Variants in ATP11B observed in about 807,000 individuals in gnomAD.
ATP11B encodes the protein phospholipid-transporting ATPase IF.
Under a neutral mutation model 157.8 loss-of-function variants are expected in ATP11B, and 81 were observed. That is an observed-to-expected ratio of 0.51 (90% CI 0.43 to 0.62). The LOEUF is 0.62. Ranked by LOEUF, ATP11B falls within the 20% of genes least tolerant of loss-of-function variation. The probability of loss-of-function intolerance (pLI) is 0.00; values close to 1 mark genes in which losing one functional copy is unlikely to be tolerated. For synonymous variants in ATP11B, 451 were observed against 469.4 expected, an observed-to-expected ratio of 0.96 and a Z score of 0.51; for missense variants, 1,165 against 1,402.2, an observed-to-expected ratio of 0.83 and a Z score of 2.70.
intron 19 of ATP11B, 62 bp downstream of exon 19, chr3:182,874,077 C>A: frequency 6.9e-7 from 1 of 1,450,940 alleles, no homozygotes; most frequent in Non-Finnish European, 9.5e-7. Context: ...TTCCCTGGGC[C>A]CGATGATATA....
At chr3:182,826,666 A>G (rs1418504095) in intron 2 of ATP11B, among the ~76,000 whole-genome samples, 4 of 152,230 alleles carry the variant, frequency 2.6e-5, no homozygotes, top group Non-Finnish European at 5.9e-5. Context: ...AATATGTTTC[A>G]CATATTCCAG....
chr3:182,829,434 C>T (rs545048517), intron 3 of ATP11B, among the ~76,000 whole-genome samples: 8 of 152,144 alleles, frequency 5.3e-5, no homozygotes, highest in African/African-American at 1.7e-4. Context: ...AGTTCCACTC[C>T]TTGGCGAATA....
At chr3:182,836,514 G>A (rs1164536125) in intron 6 of ATP11B, 44 bp downstream of exon 6, 2 of 1,611,248 alleles carry the variant, frequency 1.2e-6, no homozygotes, top group Admixed American at 1.7e-5. Context: ...TGAACAAAGT[G>A]TCTTTGGATT....
chr3:182,866,843 TAATA>T lies in ATP11B; in HGVS notation c.1619+407_1619+410del, dbSNP rs542451161. ...TATACATTTTATAAAAATATGTAAGTAATAAATAAAAATTATTATATATAACATA... is the reference window on the plus strand; with the variant it reads ...TATACATTTTATAAAAATATGTAAGTAATAAAAATTATTATATATAACATA... On this transcript the variant is annotated intron_variant, in intron 14 of 29. Transcript: ENST00000323116. Among the ~76,000 whole-genome samples the T allele has an allele frequency of 1.9e-4, 19 of 100,448 alleles. 1 individual carries two copies. The highest frequency in any genetic ancestry group is 0.011 in the Middle Eastern group (2 of 190). 65.9% of individuals were successfully genotyped at this position (100,448 alleles called of 152,430 possible).
chr3:182,848,864 C>T (rs1693135926), intron 10 of ATP11B, among the ~76,000 whole-genome samples: 1 of 152,026 alleles, frequency 6.6e-6, no homozygotes, highest in South Asian at 2.1e-4. Flanking sequence ...TATTTGAAAA[C>T]ATTGGAGACA....
At chr3:182,813,738 AT>A (rs1057106999) in intron 1 of ATP11B, among the ~76,000 whole-genome samples, 1 of 151,724 alleles carries the variant, frequency 6.6e-6, no homozygotes, top group Non-Finnish European at 1.5e-5. Context: ...TTTATTTTTT[AT>A]TTTTTTGAGG....
At chr3:182,819,099 C>T (rs192656417) in intron 1 of ATP11B, among the ~76,000 whole-genome samples, 70 of 126,084 alleles carry the variant, frequency 5.6e-4, no homozygotes, top group Middle Eastern at 5.6e-3. Flanking sequence ...TTTTTTGAGA[C>T]GGAGTCTCTC....
chr3:182,822,423 C>T (rs184506028), intron 2 of ATP11B, among the ~76,000 whole-genome samples: 33 of 152,268 alleles, frequency 2.2e-4, no homozygotes, highest in African/African-American at 7.0e-4. Flanking sequence ...CAGCTTCATC[C>T]GTGTCCCTGC....
intron 10 of ATP11B, among the ~76,000 whole-genome samples, chr3:182,854,325 C>G (rs564866407): frequency 9.9e-5 from 15 of 152,086 alleles, no homozygotes; most frequent in African/African-American, 3.1e-4. Context: ...CAAAAATTAG[C>G]CGGGCATGGT....
intron 17 of ATP11B, among the ~76,000 whole-genome samples, chr3:182,871,959 G>T (rs1721693116): frequency 6.6e-6 from 1 of 152,012 alleles, no homozygotes; most frequent in Non-Finnish European, 1.5e-5. Context: ...GGGACTACAG[G>T]TGCCCGCCAC....
intron 21 of ATP11B, among the ~76,000 whole-genome samples, chr3:182,883,868 T>C (rs1722609488): frequency 7.1e-6 from 1 of 140,322 alleles, no homozygotes; most frequent in African/African-American, 2.7e-5. Flanking sequence ...GGCAGGAGAA[T>C]GGCGTGAACC....
chr3:182,860,739 A>C (rs1334646567), intron 12 of ATP11B, among the ~76,000 whole-genome samples: 2 of 151,846 alleles, frequency 1.3e-5, no homozygotes, highest in African/African-American at 4.8e-5. Context: ...TTATCTTTTC[A>C]GTATCTTTTG....
At chr3:182,859,427 AT>A in intron 12 of ATP11B, 68 bp downstream of exon 12, 4 of 1,350,892 alleles carry the variant, frequency 3.0e-6, no homozygotes, top group Non-Finnish European at 4.0e-6. Flanking sequence ...ATGGACAAAG[AT>A]TAATGTAACA....
chr3:182,894,674 A>T (rs1282729483), intron 25 of ATP11B, among the ~76,000 whole-genome samples: 2 of 152,158 alleles, frequency 1.3e-5, no homozygotes, highest in Non-Finnish European at 2.9e-5. Context: ...TTCTTCTAGG[A>T]CCTTGAATGG....
At chr3:182,915,705 A>G (rs1461364926) in intron 29 of ATP11B, 2 of 984,412 alleles carry the variant, frequency 2.0e-6, no homozygotes, top group Non-Finnish European at 2.4e-6. Flanking sequence ...GATTATGGTA[A>G]TATGCCCCCA....
chr3:182,911,116 T>C (rs1724751379), intron 28 of ATP11B, among the ~76,000 whole-genome samples: 1 of 151,954 alleles, frequency 6.6e-6, no homozygotes, highest in Non-Finnish European at 1.5e-5. Flanking sequence ...ACACTGTGAG[T>C]CACAACTGGT....
At chr3:182,884,670 ATT>A in intron 21 of ATP11B, 81 bp from the exon 22 acceptor site, 4 of 1,366,970 alleles carry the variant, frequency 2.9e-6, no homozygotes, top group Non-Finnish European at 4.0e-6. Context: ...ATGTTCAACT[ATT>A]ATAAATAATT....
intron 4 of ATP11B, among the ~76,000 whole-genome samples, chr3:182,831,099 C>G (rs1318604294): frequency 6.6e-6 from 1 of 152,110 alleles, no homozygotes; most frequent in African/African-American, 2.4e-5. Context: ...TCTTTGAACT[C>G]CAAACACACA....
intron 1 of ATP11B, among the ~76,000 whole-genome samples, chr3:182,818,673 C>T (rs1252066271): frequency 6.6e-6 from 1 of 152,132 alleles, no homozygotes; most frequent in East Asian, 1.9e-4. Context: ...TTCCAATGGA[C>T]TAAGCAAAAT....
Sources: allele counts gnomAD v4.1 joint callset (sites outside exome capture counted in the v4.1 genomes callset), GRCh38; gene constraint gnomAD v4.1.1; transcripts MANE v1.5; gene names NCBI Gene and HGNC (gene_info 2026-07-23, HGNC 2026-07-21).